The following MAZ variants were observed in gnomAD, a reference collection of about 807,000 sequenced individuals.
MAZ encodes myc-associated zinc finger protein.
Under a neutral mutation model 32.7 loss-of-function variants are expected in MAZ, and 4 were observed. The observed-to-expected ratio is 0.12, with a 90% CI of 0.06 to 0.28. The LOEUF (loss-of-function observed/expected upper bound fraction) is 0.28. Ranked by LOEUF, MAZ falls within the 10% of genes least tolerant of loss-of-function variation. The pLI is 1.00. For missense variants in MAZ, 763 were observed against 667.2 expected (o/e 1.14, Z -1.58); for synonymous variants, 510 against 297.6 (o/e 1.71, Z -7.35).
chr16:29,809,090 T>C, intron 4 of MAZ: 1 of 517,054 alleles, frequency 1.9e-6, no homozygotes, highest in East Asian at 3.2e-5. Flanking sequence ...CTCCAGCTCC[T>C]GGGGCAGGTG....
Position 29,810,120 on chromosome 16 carries a change from G to GGCAGCGGCA in MAZ, c.1337_1345dup (p.Ala446_Ala448dup), listed in dbSNP as rs753879391. 882 of 1,598,246 alleles carry GGCAGCGGCA rather than the reference G, an allele frequency of 5.5e-4. 3 individuals carry two copies. Among genetic ancestry groups the GGCAGCGGCA allele is most frequent in the South Asian group, 2.6e-3 (233 of 88,016 alleles). ...CAATGGCGGCGGCAGCGGCAGCGGC[G>GGCAGCGGCA]GCAGCGGCAGCAGCGGCAGCAGTAG... On this transcript the variant is annotated inframe_insertion, in exon 5 of 5. Coordinates refer to ENST00000322945, the MANE Select transcript of MAZ (RefSeq NM_002383.4).
upstream of MAZ, chr16:29,806,498 C>G (rs1219603445): frequency 1.1e-5 from 4 of 373,294 alleles, no homozygotes; most frequent in Middle Eastern, 1.5e-3. Context: ...CCGCCGCCGT[C>G]GCCGCGGCGC....
At position 29,807,610 on chromosome 16, in the gene MAZ, C is replaced by G; in HGVS notation, c.825C>G (p.Ile275Met). Residue 275 changes from isoleucine to methionine, a missense_variant, in exon 2 of 5, where the codon ATC becomes ATG. Ile to Met is a conservative substitution (Grantham distance 10). Coordinates refer to ENST00000322945, the MANE Select transcript of MAZ (RefSeq NM_002383.4). ...VVTTTASGKR[I>M]RKNHACEMCG... ...CCACGACCGCCTCGGGGAAGCGCAT[C>G]CGGAAGAACCATGCCTGCGAGATGT... is the stretch of plus-strand genomic sequence containing the variant. 1 of 1,612,424 alleles carries G rather than the reference C, an allele frequency of 6.2e-7. No homozygotes were observed. Among genetic ancestry groups the G allele is most frequent in the Non-Finnish European group, 8.5e-7 (1 of 1,179,792 alleles).
chr16:29,809,684 T>TG (rs769505112), intron 4 of MAZ: 291 of 1,529,792 alleles, frequency 1.9e-4, no homozygotes, highest in Middle Eastern at 3.9e-4. Context: ...CAGACCCATC[T>TG]GGGGGGGGCC....
In MAZ at chr16:29,810,886, C is replaced by T; in HGVS notation, c.*655C>T. 1 of 338,614 alleles carries T rather than the reference C, an allele frequency of 3.0e-6. No individual in the cohort carries two copies. Among genetic ancestry groups the T allele is most frequent in the Non-Finnish European group, 5.8e-6 (1 of 173,614 alleles). 21.0% of individuals were successfully genotyped at this position (338,614 alleles called of 1,614,324 possible). ...GGAGCAGGAGGAAGAGCCAGGAGGG[C>T]CAGAGGCAGAGAAGAGATGGAGTCT... On this transcript the variant is annotated 3_prime_UTR_variant, in exon 5 of 5. Coordinates refer to ENST00000322945, the MANE Select transcript of MAZ (RefSeq NM_002383.4).
chr16:29,809,778 C>A, intron 4 of MAZ: 1 of 1,330,002 alleles, frequency 7.5e-7, no homozygotes, highest in Non-Finnish European at 9.9e-7. Flanking sequence ...AGGCGTGGGG[C>A]ATGGCTGGGG....
intron 4 of MAZ, 122 bp downstream of exon 4, chr16:29,808,863 A>C (rs1209295345): frequency 1.0e-6 from 1 of 955,664 alleles, no homozygotes; most frequent in East Asian, 2.6e-5. Context: ...GATTCCTACA[A>C]GAGGTCAAGG....
At position 29,810,423 on chromosome 16, in the gene MAZ, G is replaced by A. The variant is rs2516825; in HGVS notation, c.*192G>A. 738,931 of 740,464 alleles carry A rather than the reference G, an allele frequency of 1. 368,720 individuals are homozygous for A. The highest frequency in any genetic ancestry group is 1 in the East Asian group (37,422 of 37,422). 45.9% of individuals were successfully genotyped at this position (740,464 alleles called of 1,614,324 possible). Reference sequence around the variant, plus strand: ...GATTTGTTTCTCCTGCTCCTCTTCTGTCAGACCTGACCCCACACAAACCTG... The same window carrying A: ...GATTTGTTTCTCCTGCTCCTCTTCTATCAGACCTGACCCCACACAAACCTG... On this transcript the variant is annotated 3_prime_UTR_variant, in exon 5 of 5. Transcript: ENST00000322945.
Position 29,806,649 on chromosome 16 carries a change from G to A in MAZ, c.-53G>A. On this transcript the variant is annotated 5_prime_UTR_variant, in exon 1 of 5. Coordinates refer to ENST00000322945, the MANE Select transcript of MAZ (RefSeq NM_002383.4). ...GCGCCCCGAGCCCGGGCCCCGCGCG[G>A]CCCGCGCCCCCGGCCCCCGCTGAGC... is the stretch of plus-strand genomic sequence containing the variant. 1 of 982,102 alleles carries A rather than the reference G, an allele frequency of 1.0e-6. No individual in the cohort carries two copies. The highest frequency in any genetic ancestry group is 1.2e-6 in the Non-Finnish European group (1 of 826,670). The allele number at this position is 982,102 out of a possible 1,614,324, so 60.8% of individuals were successfully genotyped here.
At chr16:29,809,089 C>G in intron 4 of MAZ, 1 of 521,156 alleles carries the variant, frequency 1.9e-6, no homozygotes, top group Non-Finnish European at 3.4e-6. Flanking sequence ...TCTCCAGCTC[C>G]TGGGGCAGGT....
Position 29,810,175 on chromosome 16 carries a change from TC to T in MAZ, c.1379del (p.Ser460TrpfsTer8). On this transcript the variant is annotated frameshift_variant, in exon 5 of 5. Transcript: ENST00000322945. LOFTEE classifies it high-confidence loss of function. ...AAPPTAVGSL[S>X]GAEGVPVSSQ... Reference sequence around the variant, plus strand: ...CCCTCCCACAGCTGTGGGCTCCCTCTCGGGGGCGGAGGGGGTGCCTGTGAGC... The same window carrying T: ...CCCTCCCACAGCTGTGGGCTCCCTCTGGGGGCGGAGGGGGTGCCTGTGAGC... The T allele has an allele frequency of 6.2e-7, 1 of 1,609,676 alleles. No individual in the cohort carries two copies. Among genetic ancestry groups the T allele is most frequent in the Non-Finnish European group, 8.5e-7 (1 of 1,178,320 alleles).
At chr16:29,810,054 T>C (rs1377892815) in intron 4 of MAZ, 23 bp from the exon 5 acceptor site, 1 of 1,594,912 alleles carries the variant, frequency 6.3e-7, no homozygotes, top group Non-Finnish European at 8.6e-7. Context: ...CGCGCTGTGA[T>C]CCGTGGTGTT....
chr16:29,809,794 G>T, intron 4 of MAZ: 7 of 1,208,812 alleles, frequency 5.8e-6, no homozygotes, highest in Non-Finnish European at 6.7e-6. Flanking sequence ...TGGGGGGCGG[G>T]ATGGGGGGTG....
At chr16:29,809,459 TC>T (rs1899778436) in intron 4 of MAZ, 3 of 867,396 alleles carry the variant, frequency 3.5e-6, no homozygotes, top group Non-Finnish European at 3.8e-6. Context: ...GAGGAGGGCA[TC>T]CCCCGCCTAG....
At chr16:29,809,633 G>A in intron 4 of MAZ, 2 of 1,607,760 alleles carry the variant, frequency 1.2e-6, no homozygotes, top group South Asian at 1.1e-5. Flanking sequence ...AAGCTGTGCA[G>A]CGTGCACTGC....
rs1170145886 is a variant in MAZ at position 29,810,808 on chromosome 16, T to G, written c.*577T>G. 1 of 346,862 alleles carries G rather than the reference T, an allele frequency of 2.9e-6. No homozygotes were observed. Among genetic ancestry groups the G allele is most frequent in the Non-Finnish European group, 5.6e-6 (1 of 178,584 alleles). The allele number at this position is 346,862 out of a possible 1,614,324, so 21.5% of individuals were successfully genotyped here. A position where few individuals can be genotyped will look rare whatever the true frequency, so the allele number is the denominator to read the frequency against. ...CATAAGGTGGTATGGGGGGTTGGGG[T>G]CAGGCCCTGAACATCGTCCTACTTG... On this transcript the variant is annotated 3_prime_UTR_variant, in exon 5 of 5. Coordinates refer to ENST00000322945, the MANE Select transcript of MAZ (RefSeq NM_002383.4).
rs957086362 is a variant in MAZ, at chr16:29,807,124, C to G, written c.339C>G (p.Pro113=). The G allele has an allele frequency of 1.9e-6, 2 of 1,028,778 alleles. No individual in the cohort carries two copies. The highest frequency in any genetic ancestry group is 3.4e-5 in the African/African-American group (2 of 58,046). The allele number at this position is 1,028,778 out of a possible 1,614,324, so 63.7% of individuals were successfully genotyped here. A position where few individuals can be genotyped will look rare whatever the true frequency, so the allele number is the denominator to read the frequency against. ...CTGCTGCCGCCGTCGCTGCCGCGCC[C>G]CCGGCCCCTGCCGCCGCCTCTACGG... The part of the protein sequence containing the change: ...AAAAAAVAAA[P]PAPAAASTVD... The change falls in exon 2 of 5, where the codon CCC becomes CCG. Residue 113 remains proline (P), a synonymous_variant. Coordinates refer to ENST00000322945, the MANE Select transcript of MAZ (RefSeq NM_002383.4).
In MAZ at chr16:29,810,214, C is replaced by A; in HGVS notation, c.1417C>A (p.Pro473Thr). 6.3e-7 allele frequency: 1 copy of A among 1,594,330 alleles called. No individual in the cohort carries two copies. Among genetic ancestry groups the A allele is most frequent in the Non-Finnish European group, 8.5e-7 (1 of 1,170,316 alleles). ...EGVPVSSQPL[P>T]SQPW Reference sequence around the variant, plus strand: ...GGTGCCTGTGAGCTCTCAGCCACTTCCCTCCCAACCCTGGTGAGCTCCAAG... The same window carrying A: ...GGTGCCTGTGAGCTCTCAGCCACTTACCTCCCAACCCTGGTGAGCTCCAAG... The change falls in exon 5 of 5, where the codon CCC (proline) becomes ACC (threonine). Residue 473 changes from proline (P) to threonine (T), a missense_variant. By Grantham distance (38) the Pro-to-Thr change is conservative. Transcript: ENST00000322945.
chr16:29,807,290 T>G lies in MAZ; in HGVS notation c.505T>G (p.Ser169Ala), dbSNP rs1375223912. 16 of 1,551,078 alleles carry G rather than the reference T, an allele frequency of 1.0e-5. No individual in the cohort carries two copies. The highest frequency in any genetic ancestry group is 1.4e-5 in the Non-Finnish European group (16 of 1,152,086). ...AAATAVVAPTSTVAVAPVASA... is the reference protein window; with the variant it reads ...AAATAVVAPTATVAVAPVASA... Reference sequence around the variant, plus strand: ...GGCCACCGCCGTCGTAGCCCCAACCTCGACGGTCGCCGTGGCCCCGGTCGC... The same window carrying G: ...GGCCACCGCCGTCGTAGCCCCAACCGCGACGGTCGCCGTGGCCCCGGTCGC... The change falls in exon 2 of 5, where the codon TCG (serine) becomes GCG (alanine). Residue 169 changes from serine to alanine, a missense_variant. Coordinates refer to ENST00000322945, the MANE Select transcript of MAZ (RefSeq NM_002383.4).
Sources: allele counts gnomAD v4.1 joint callset, GRCh38; gene constraint gnomAD v4.1.1; transcripts MANE v1.5; gene names NCBI Gene and HGNC (gene_info 2026-07-23, HGNC 2026-07-21).